Variants in BAZ2B observed in about 807,000 individuals in gnomAD.
The protein encoded by BAZ2B is bromodomain adjacent to zinc finger domain protein 2B.
BAZ2B carries 91 observed loss-of-function variants against 246.0 expected under a neutral mutation model. That is an observed-to-expected ratio of 0.37 (90% CI 0.31 to 0.44). BAZ2B has a LOEUF of 0.44. BAZ2B is among the 20% of genes least tolerant of loss of function. The probability of loss-of-function intolerance (pLI) is 1.00; values close to 1 mark genes in which losing one functional copy is unlikely to be tolerated. For synonymous variants in BAZ2B, 855 were observed against 860.0 expected, an observed-to-expected ratio of 0.99 and a Z score of 0.10; for missense variants, 2,332 against 2,533.7, an observed-to-expected ratio of 0.92 and a Z score of 1.71.
the BAZ2B span, among the ~76,000 whole-genome samples, chr2:159,666,257 C>CTTTTT: frequency 2.1e-5 from 2 of 94,198 alleles, no homozygotes; most frequent in South Asian, 3.6e-4. Flanking sequence ...TTTTATGATT[C>CTTTTT]TTTTTTTTTT....
intron 4 of BAZ2B, 52 bp downstream of exon 4, chr2:159,453,561 C>T: frequency 1.3e-6 from 2 of 1,493,702 alleles, no homozygotes; most frequent in Non-Finnish European, 1.8e-6. Context: ...ATTGCTTGAA[C>T]ATTCTCAAGC....
chr2:159,360,930 C>T (rs1027777880), intron 27 of BAZ2B, among the ~76,000 whole-genome samples: 3 of 152,192 alleles, frequency 2.0e-5, no homozygotes, highest in African/African-American at 7.2e-5. Context: ...CCCTTCCTTA[C>T]ACCTTATACG....
At chr2:159,467,366 C>T (rs1233371385) in intron 3 of BAZ2B, among the ~76,000 whole-genome samples, 1 of 152,186 alleles carries the variant, frequency 6.6e-6, no homozygotes, top group Non-Finnish European at 1.5e-5. Context: ...TGAAGGTTTA[C>T]CAAGACCTAA....
chr2:159,692,834 G>A, the BAZ2B span, among the ~76,000 whole-genome samples: 1 of 152,106 alleles, frequency 6.6e-6, no homozygotes, highest in Admixed American at 6.5e-5. Context: ...TGTCACCAAG[G>A]CTGTAGCACA....
intron 16 of BAZ2B, among the ~76,000 whole-genome samples, chr2:159,400,997 T>TC (rs1259452390): frequency 6.6e-6 from 1 of 151,936 alleles, no homozygotes; most frequent in Non-Finnish European, 1.5e-5. Context: ...TCAGCCAAGA[T>TC]GTGCCACTGC....
intron 12 of BAZ2B, 45 bp downstream of exon 12, chr2:159,428,266 G>C: frequency 6.7e-7 from 1 of 1,496,074 alleles, no homozygotes; most frequent in African/African-American, 1.4e-5. Flanking sequence ...ACATGATCAT[G>C]CTTAATAGGC....
At chr2:159,582,686 T>A (rs754540527) in intron 1 of BAZ2B, among the ~76,000 whole-genome samples, 3 of 152,160 alleles carry the variant, frequency 2.0e-5, no homozygotes, top group Non-Finnish European at 4.4e-5. Flanking sequence ...GGCCTGGATG[T>A]TCATATTATT....
At chr2:159,422,905 GAAAAA>G (rs944797212) in intron 13 of BAZ2B, among the ~76,000 whole-genome samples, 2 of 151,992 alleles carry the variant, frequency 1.3e-5, no homozygotes, top group Non-Finnish European at 2.9e-5. Context: ...AAACACTCCT[GAAAAA>G]AAGATACATG....
rs564614568 is a variant in BAZ2B at position 159,519,210 on chromosome 2, CTTTTTTTTTTTTT to C, written c.-3+36600_-3+36612del. ...AAATTCCAACTTCATATTCTATTTT[CTTTTTTTTTTTTT>C]TTTTTTTTTTTTTTTTTGAGACGGA... On this transcript the variant is annotated intron_variant, in intron 2 of 36. Transcript: ENST00000392783. Among the ~76,000 whole-genome samples the C allele has an allele frequency of 7.6e-4, 44 of 57,780 alleles. 1 individual carries two copies. In the East Asian group the frequency reaches 0.019, roughly 25 times the overall value. The allele number at this position is 57,780 out of a possible 152,430, so 37.9% of individuals were successfully genotyped here.
At chr2:159,462,366 C>T (rs1399372298) in intron 3 of BAZ2B, 6 of 1,148,980 alleles carry the variant, frequency 5.2e-6, no homozygotes, top group Non-Finnish European at 7.7e-6. Flanking sequence ...TGTCTTTCCA[C>T]ATACTGAAGA....
At chr2:159,415,897 C>G (rs544109782) in intron 13 of BAZ2B, among the ~76,000 whole-genome samples, 2 of 152,258 alleles carry the variant, frequency 1.3e-5, no homozygotes, top group Admixed American at 1.3e-4. Context: ...ACACTTTAAT[C>G]TTCACAACAT....
At chr2:159,354,363 A>AT (rs1255356301) in intron 27 of BAZ2B, among the ~76,000 whole-genome samples, 1 of 151,874 alleles carries the variant, frequency 6.6e-6, no homozygotes, top group South Asian at 2.1e-4. Context: ...ATATATATAT[A>AT]TTTTTTGAGA....
intron 2 of BAZ2B, among the ~76,000 whole-genome samples, chr2:159,547,311 T>G (rs1467857791): frequency 6.6e-6 from 1 of 152,188 alleles, no homozygotes; most frequent in African/African-American, 2.4e-5. Flanking sequence ...CAGGAATATT[T>G]GTATTAGTTA....
In BAZ2B at chr2:159,432,817, C is replaced by A. The variant is rs188978513; in HGVS notation, c.1840G>T (p.Asp614Tyr). The change falls in exon 9 of 37, where the codon GAT (aspartate) becomes TAT (tyrosine). Residue 614 changes from aspartate to tyrosine, a missense_variant. By Grantham distance (160) the Asp-to-Tyr change is radical. Around this residue, in one of 9 missense-constraint regions of BAZ2B, gnomAD observed 651 missense variants for 650.9 expected, o/e 1.00. Coordinates refer to ENST00000392783, the MANE Select transcript of BAZ2B (RefSeq NM_013450.4). ...SEDSNEDEEE[D>Y]DEEEDEEDDE... ...TCTTCCTCATCTTCTTCTTCATCATCTTCCTCTTCATCCTCATTTGAATCT... is the reference window on the plus strand; with the variant it reads ...TCTTCCTCATCTTCTTCTTCATCATATTCCTCTTCATCCTCATTTGAATCT... 1.5e-4 allele frequency: 239 copies of A among 1,613,990 alleles called. No individual in the cohort carries two copies. Among genetic ancestry groups the A allele is most frequent in the Admixed American group, 2.7e-4 (16 of 60,018 alleles).
At chr2:159,704,803 C>T in the BAZ2B span, among the ~76,000 whole-genome samples, 2 of 151,488 alleles carry the variant, frequency 1.3e-5, no homozygotes, top group African/African-American at 2.4e-5. Context: ...TTTGAGTTCT[C>T]GCCATTCTCC....
chr2:159,657,773 T>C, the BAZ2B span, among the ~76,000 whole-genome samples: 1 of 152,368 alleles, frequency 6.6e-6, no homozygotes, highest in South Asian at 2.1e-4. Flanking sequence ...ATTGCTGGAA[T>C]ATAAGAAAGC....
intron 1 of BAZ2B, among the ~76,000 whole-genome samples, chr2:159,613,394 A>C (rs1695116509): frequency 6.6e-6 from 1 of 151,446 alleles, no homozygotes; most frequent in Non-Finnish European, 1.5e-5. Context: ...TCCAACCATT[A>C]TAAGAACACA....
At chr2:159,494,933 G>C (rs2080907852) in intron 2 of BAZ2B, among the ~76,000 whole-genome samples, 1 of 152,142 alleles carries the variant, frequency 6.6e-6, no homozygotes. Context: ...AATCAATGCT[G>C]AGTTAAACAG....
At chr2:159,698,735 C>T in the BAZ2B span, among the ~76,000 whole-genome samples, 9 of 152,146 alleles carry the variant, frequency 5.9e-5, no homozygotes, top group Non-Finnish European at 1.2e-4. Flanking sequence ...TAAATCAATG[C>T]TTTCTTTCTC....
Sources: gnomAD v4.1 joint callset for allele counts (sites outside exome capture counted in the v4.1 genomes callset) on GRCh38, gnomAD v4.1.1 for gene constraint, gnomAD v4.1.1 regional missense constraint, MANE v1.5 for transcripts, NCBI Gene and HGNC (gene_info 2026-07-23, HGNC 2026-07-21) for gene names.